Variants in FBXL13 observed in about 807,000 individuals in gnomAD.
The protein encoded by FBXL13 is F-box and leucine rich repeat protein 13, also known as F-box and leucine-rich repeat protein 13.
A neutral mutation model predicts 83.6 loss-of-function variants in FBXL13; 67 were observed. The ratio of observed to expected loss-of-function variants is 0.80; its 90% CI spans 0.66 to 0.98. FBXL13 has a LOEUF of 0.98. Among genes scored for constraint, FBXL13 ranks in the 50% least tolerant of loss-of-function variants. FBXL13 has a pLI of 0.00. For missense variants in FBXL13, 822 were observed against 866.5 expected (o/e 0.95, Z 0.64); for synonymous variants, 272 against 299.5 (o/e 0.91, Z 0.95).
At chr7:102,979,018 T>C (rs1316927822) in intron 6 of FBXL13, among the ~76,000 whole-genome samples, 2 of 152,242 alleles carry the variant, frequency 1.3e-5, no homozygotes, top group Non-Finnish European at 2.9e-5. Context: ...ATCTACATGA[T>C]ATAAAGATAG....
At chr7:102,842,103 GC>G (rs1803046682) in intron 17 of FBXL13, among the ~76,000 whole-genome samples, 1 of 152,150 alleles carries the variant, frequency 6.6e-6, no homozygotes, top group African/African-American at 2.4e-5. Context: ...GAGAGACTTT[GC>G]CAAGCAATAT....
chr7:102,967,429 T>C (rs1393095359), intron 7 of FBXL13, among the ~76,000 whole-genome samples: 3 of 152,174 alleles, frequency 2.0e-5, no homozygotes, highest in Non-Finnish European at 4.4e-5. Flanking sequence ...CCTGCCACCA[T>C]GCCTAGCTAA....
chr7:102,846,290 A>C (rs1370553963), intron 17 of FBXL13, among the ~76,000 whole-genome samples: 1 of 152,218 alleles, frequency 6.6e-6, no homozygotes, highest in Non-Finnish European at 1.5e-5. Context: ...TTTTGTGTTC[A>C]ATCACTGAGC....
intron 17 of FBXL13, among the ~76,000 whole-genome samples, chr7:102,833,978 G>A (rs1368837976): frequency 5.5e-5 from 8 of 146,444 alleles, no homozygotes; most frequent in Non-Finnish European, 8.9e-5. Context: ...AAACCTAACC[G>A]TAATTGTAAA....
chr7:102,936,310 A>G (rs1340774689), intron 8 of FBXL13: 1 of 152,238 alleles, frequency 6.6e-6, no homozygotes, highest in Non-Finnish European at 1.5e-5. Flanking sequence ...TCACTTGACC[A>G]TGGATCTCAC....
At chr7:103,061,532 G>A (rs949978221) in intron 1 of FBXL13, among the ~76,000 whole-genome samples, 2 of 152,152 alleles carry the variant, frequency 1.3e-5, no homozygotes, top group Admixed American at 6.5e-5. Flanking sequence ...AGCAAAATGA[G>A]TTAGTGTATC....
At chr7:102,897,335 C>T (rs953964107) in intron 11 of FBXL13, among the ~76,000 whole-genome samples, 2 of 151,612 alleles carry the variant, frequency 1.3e-5, no homozygotes, top group Non-Finnish European at 2.9e-5. Flanking sequence ...GAAGAGGTAA[C>T]TTAAAGAGGC....
chr7:103,054,347 G>A (rs185975587), intron 2 of FBXL13, among the ~76,000 whole-genome samples: 67 of 148,372 alleles, frequency 4.5e-4, no homozygotes, highest in Non-Finnish European at 8.6e-4. Context: ...CCAAGATCGC[G>A]CCATTGCACT....
intron 11 of FBXL13, among the ~76,000 whole-genome samples, chr7:102,885,085 T>G (rs1810616956): frequency 6.6e-6 from 1 of 152,250 alleles, no homozygotes; most frequent in Non-Finnish European, 1.5e-5. Flanking sequence ...ATATTGAATA[T>G]CTACACGCAT....
chr7:102,949,629 T>G (rs73408259), intron 8 of FBXL13, among the ~76,000 whole-genome samples: 5,446 of 152,254 alleles, frequency 0.036, 294 homozygotes, highest in African/African-American at 0.12. Context: ...CTACTCAGGC[T>G]TGAATGCTCA....
chr7:102,931,701 T>C (rs1819206874), intron 9 of FBXL13, among the ~76,000 whole-genome samples, 180 bp downstream of exon 10: 1 of 152,236 alleles, frequency 6.6e-6, no homozygotes, highest in South Asian at 2.1e-4. Context: ...AGCATACATC[T>C]ACATGATTAA....
chr7:102,994,764 T>C (rs1829921624), intron 6 of FBXL13, among the ~76,000 whole-genome samples: 3 of 152,210 alleles, frequency 2.0e-5, no homozygotes, highest in Admixed American at 1.3e-4. Context: ...TGGTCAATGC[T>C]GCTGGCTTCT....
At chr7:102,983,233 CCTT>C (rs1828477542) in intron 6 of FBXL13, among the ~76,000 whole-genome samples, 1 of 152,076 alleles carries the variant, frequency 6.6e-6, no homozygotes. Flanking sequence ...GCATTAACCA[CCTT>C]CTGAGGTGGA....
intron 6 of FBXL13, among the ~76,000 whole-genome samples, chr7:102,985,542 T>C (rs1305227466): frequency 1.3e-5 from 2 of 152,220 alleles, no homozygotes; most frequent in Admixed American, 6.5e-5. Context: ...ATACTTTTTT[T>C]CTACATAGAT....
At chr7:103,067,124 G>A (rs1480250966) in intron 1 of FBXL13, among the ~76,000 whole-genome samples, 1 of 151,882 alleles carries the variant, frequency 6.6e-6, no homozygotes, top group African/African-American at 2.4e-5. Flanking sequence ...AGGAAATGTA[G>A]GACTATGGAT....
At chr7:102,944,628 T>C in intron 8 of FBXL13, 1 of 1,558,696 alleles carries the variant, frequency 6.4e-7, no homozygotes, top group Non-Finnish European at 8.6e-7. Flanking sequence ...GTTCTGATTG[T>C]AATTAGTTTT....
intron 5 of FBXL13, among the ~76,000 whole-genome samples, chr7:103,025,748 GATGTAAT>G (rs1793824849): frequency 6.6e-6 from 1 of 151,048 alleles, no homozygotes; most frequent in Admixed American, 6.6e-5. Flanking sequence ...AATATATATT[GATGTAAT>G]ATATATATGT....
chr7:102,976,157 A>G, intron 6 of FBXL13: 1 of 766,410 alleles, frequency 1.3e-6, no homozygotes, highest in Non-Finnish European at 2.4e-6. Context: ...CTGAAGACTG[A>G]TAGTGCCTTG....
intron 6 of FBXL13, among the ~76,000 whole-genome samples, chr7:103,016,668 A>G (rs1427201905): frequency 6.6e-6 from 1 of 152,202 alleles, no homozygotes; most frequent in Non-Finnish European, 1.5e-5. Flanking sequence ...ATGGCACACC[A>G]GGAGATTATA....
Sources: allele counts gnomAD v4.1 joint callset (sites outside exome capture counted in the v4.1 genomes callset), GRCh38; gene constraint gnomAD v4.1.1; transcripts MANE v1.5; gene names NCBI Gene and HGNC (gene_info 2026-07-23, HGNC 2026-07-21).